Variants in CEP112 observed in about 807,000 individuals in gnomAD.
CEP112 encodes the protein centrosomal protein of 112 kDa.
A neutral mutation model predicts 153.0 loss-of-function variants in CEP112; 127 were observed. That is an observed-to-expected ratio of 0.83 (90% confidence interval 0.72 to 0.96). The LOEUF (loss-of-function observed/expected upper bound fraction) is 0.96. CEP112 is among the 40% of genes least tolerant of loss of function. The probability of loss-of-function intolerance (pLI) is 0.00; values close to 1 mark genes in which losing one functional copy is unlikely to be tolerated. For missense variants in CEP112, 1,089 were observed against 1,101.2 expected, an observed-to-expected ratio of 0.99 and a Z score of 0.16; for synonymous variants, 358 against 374.4, an observed-to-expected ratio of 0.96 and a Z score of 0.51.
At chr17:65,763,004 A>C (rs532380756) in intron 21 of CEP112, among the ~76,000 whole-genome samples, 1 of 152,176 alleles carries the variant, frequency 6.6e-6, no homozygotes, top group African/African-American at 2.4e-5. Context: ...TACTGGCAAC[A>C]AACTCCCCCA....
intron 21 of CEP112, chr17:65,826,263 T>C (rs1211178291): frequency 1.2e-5 from 19 of 1,614,074 alleles, no homozygotes; most frequent in Non-Finnish European, 1.6e-5. Flanking sequence ...TGGTTTTCCT[T>C]GGCAGATGGA....
intron 25 of CEP112, among the ~76,000 whole-genome samples, chr17:65,639,351 T>C (rs1249395628): frequency 1.3e-5 from 2 of 152,080 alleles, no homozygotes; most frequent in Non-Finnish European, 2.9e-5. Context: ...AGTAAATAAA[T>C]CCTTTCCTTC....
At chr17:65,640,154 A>ATATATATATATATATTT (rs1300751452) in intron 25 of CEP112, among the ~76,000 whole-genome samples, 3 of 78,340 alleles carry the variant, frequency 3.8e-5, no homozygotes, top group African/African-American at 2.1e-4. Flanking sequence ...ATATATATAT[A>ATATATATATATATATTT]TTTTTTTTTT....
intron 20 of CEP112, among the ~76,000 whole-genome samples, chr17:65,873,303 C>T (rs1274448251): frequency 6.6e-6 from 1 of 152,190 alleles, no homozygotes; most frequent in Non-Finnish European, 1.5e-5. Flanking sequence ...GAGGTTACCA[C>T]CAGTTTCTCA....
intron 23 of CEP112, among the ~76,000 whole-genome samples, chr17:65,733,683 A>T: frequency 6.6e-6 from 1 of 152,358 alleles, no homozygotes; most frequent in Non-Finnish European, 1.5e-5. Flanking sequence ...AAATAAAATG[A>T]CATGAGAATA....
At chr17:65,880,620 T>G (rs1321687650) in intron 20 of CEP112, among the ~76,000 whole-genome samples, 1 of 152,216 alleles carries the variant, frequency 6.6e-6, no homozygotes. Context: ...GTCTGCTTTC[T>G]GAGTTCCTTG....
chr17:65,641,947 A>G (rs2045160200), intron 24 of CEP112, among the ~76,000 whole-genome samples: 1 of 152,108 alleles, frequency 6.6e-6, no homozygotes, highest in Non-Finnish European at 1.5e-5. Context: ...CCCAAATACT[A>G]TCGGGCCTGT....
At chr17:65,845,091 G>A (rs569265054) in intron 21 of CEP112, among the ~76,000 whole-genome samples, 5 of 152,264 alleles carry the variant, frequency 3.3e-5, no homozygotes, top group East Asian at 3.9e-4. Flanking sequence ...AGGCCAAGGC[G>A]AGTGGATCAC....
chr17:65,942,297 C>T (rs1358189205), intron 18 of CEP112, among the ~76,000 whole-genome samples: 1 of 152,148 alleles, frequency 6.6e-6, no homozygotes, highest in Non-Finnish European at 1.5e-5. Context: ...ACAGTTTCAT[C>T]CCCAAACCAT....
At chr17:65,850,133 G>A (rs752802145) in intron 21 of CEP112, among the ~76,000 whole-genome samples, 75 of 127,400 alleles carry the variant, frequency 5.9e-4, no homozygotes, top group African/African-American at 1.4e-3. Flanking sequence ...CAGCCTGGGC[G>A]ACAGAGTGAG....
chr17:65,685,289 G>A (rs1041201202), intron 24 of CEP112, among the ~76,000 whole-genome samples: 1 of 152,084 alleles, frequency 6.6e-6, no homozygotes, highest in Non-Finnish European at 1.5e-5. Context: ...TTCATTTCTT[G>A]TTTTTATAGA....
intron 19 of CEP112, among the ~76,000 whole-genome samples, chr17:65,922,553 C>A (rs1372445048): frequency 6.6e-6 from 1 of 152,040 alleles, no homozygotes; most frequent in Non-Finnish European, 1.5e-5. Context: ...TTTGGCCACA[C>A]TTGGTTATAA....
chr17:65,835,295 A>T (rs895683346), intron 21 of CEP112, among the ~76,000 whole-genome samples: 43 of 152,230 alleles, frequency 2.8e-4, no homozygotes, highest in Admixed American at 1.3e-4. Context: ...GCATATTTTT[A>T]AAAAATGACT....
chr17:65,902,298 T>C lies in CEP112; in HGVS notation c.2017A>G (p.Thr673Ala). Reference sequence around the variant, plus strand: ...GCGTTATGCTGCTGTAATAGGTGCGTCTTCTCCTGTTCATGCTCCAGCTTC... The same window carrying C: ...GCGTTATGCTGCTGTAATAGGTGCGCCTTCTCCTGTTCATGCTCCAGCTTC... ...ELKLEHEQEK[T>A]HLLQQHNAEK... The change falls in exon 20 of 27, where the codon ACG (threonine) becomes GCG (alanine). Residue 673 changes from threonine to alanine, a missense_variant. By Grantham distance (58) the Thr-to-Ala change is moderately conservative. Transcript: ENST00000535342. 1 of 1,613,718 alleles carries C rather than the reference T, an allele frequency of 6.2e-7. No homozygotes were observed. The highest frequency in any genetic ancestry group is 2.2e-5 in the East Asian group (1 of 44,864).
At chr17:65,991,071 A>G (rs1407476443) in intron 17 of CEP112, among the ~76,000 whole-genome samples, 1 of 152,228 alleles carries the variant, frequency 6.6e-6, no homozygotes, top group Admixed American at 6.5e-5. Flanking sequence ...AACTCTGGAT[A>G]GGTTCATTTT....
intron 6 of CEP112, among the ~76,000 whole-genome samples, chr17:66,113,850 A>G (rs2069165633): frequency 6.6e-6 from 1 of 152,218 alleles, no homozygotes; most frequent in Non-Finnish European, 1.5e-5. Flanking sequence ...TGGGGGAAAT[A>G]AGCAATCTAT....
intron 21 of CEP112, among the ~76,000 whole-genome samples, chr17:65,827,527 G>A (rs2056889668): frequency 6.6e-6 from 1 of 152,122 alleles, no homozygotes; most frequent in Non-Finnish European, 1.5e-5. Context: ...GATTACCAAA[G>A]TTGCCTTCTC....
At chr17:65,796,305 T>A (rs776204441) in intron 21 of CEP112, among the ~76,000 whole-genome samples, 6 of 152,190 alleles carry the variant, frequency 3.9e-5, no homozygotes, top group South Asian at 4.1e-4. Flanking sequence ...GAAACCCTTA[T>A]AAGATTAGCA....
intron 21 of CEP112, among the ~76,000 whole-genome samples, chr17:65,751,778 C>A (rs2051866823): frequency 6.6e-6 from 1 of 152,120 alleles, no homozygotes; most frequent in Non-Finnish European, 1.5e-5. Flanking sequence ...ACAGCATCAT[C>A]ATTAACATCC....
Sources: gnomAD v4.1 joint callset for allele counts (sites outside exome capture counted in the v4.1 genomes callset) on GRCh38, gnomAD v4.1.1 for gene constraint, MANE v1.5 for transcripts, NCBI Gene and HGNC (gene_info 2026-07-23, HGNC 2026-07-21) for gene names.